The following SLC5A4 variants were observed in gnomAD, a reference collection of about 807,000 sequenced individuals.
The protein encoded by SLC5A4 is probable glucose sensor protein SLC5A4.
In SLC5A4, 55 loss-of-function variants were observed where a neutral mutation model predicts 70.3. The observed-to-expected ratio is 0.78, with a 90% CI of 0.63 to 0.98. The LOEUF is 0.98. SLC5A4 is among the 50% of genes least tolerant of loss of function. SLC5A4 has a pLI of 0.00. For synonymous variants in SLC5A4, 268 were observed against 305.7 expected, an observed-to-expected ratio of 0.88 and a Z score of 1.29; for missense variants, 735 against 839.2, an observed-to-expected ratio of 0.88 and a Z score of 1.53.
chr22:32,234,877 T>C lies in SLC5A4; in HGVS notation c.881A>G (p.Asn294Ser). Residue 294 changes from asparagine to serine, a missense_variant, in exon 8 of 15, where the codon AAT becomes AGT. Transcript: ENST00000266086. ...PITALWYWCT[N>S]QVIVQRCLCG... ...ACACATATACATATACTTCACCTGA[T>C]TTGTGCACCAGTACCACAAAGCTGT... 1 of 1,609,374 alleles carries C rather than the reference T, an allele frequency of 6.2e-7. No homozygotes were observed. Among genetic ancestry groups the C allele is most frequent in the Non-Finnish European group, 8.5e-7 (1 of 1,176,888 alleles).
chr22:32,340,074 G>A, the SLC5A4 span, among the ~76,000 whole-genome samples: 1 of 152,212 alleles, frequency 6.6e-6, no homozygotes, highest in African/African-American at 2.4e-5. Context: ...GTCGGCTTTG[G>A]AGTTCACCAG....
At chr22:32,300,241 C>T in the SLC5A4 span, among the ~76,000 whole-genome samples, 2 of 151,118 alleles carry the variant, frequency 1.3e-5, no homozygotes, top group African/African-American at 2.4e-5. Context: ...ATGGGGGGCG[C>T]CCCTCCCCAA....
the SLC5A4 span, among the ~76,000 whole-genome samples, chr22:32,336,130 G>C: frequency 6.6e-6 from 1 of 151,690 alleles, no homozygotes. Context: ...CTGGGAGCTG[G>C]GCCCATTAAG....
At chr22:32,335,840 A>C in the SLC5A4 span, among the ~76,000 whole-genome samples, 663 of 152,232 alleles carry the variant, frequency 4.4e-3, 7 homozygotes, top group African/African-American at 0.015. Flanking sequence ...CTTAGAAGCT[A>C]CAGGAAGTCC....
the SLC5A4 span, among the ~76,000 whole-genome samples, chr22:32,304,849 A>AG: frequency 9.0e-6 from 1 of 110,728 alleles, no homozygotes; most frequent in Admixed American, 9.8e-5. Flanking sequence ...GGAGTTCTAC[A>AG]GTTTTTTTTT....
chr22:32,307,449 G>C, the SLC5A4 span, among the ~76,000 whole-genome samples: 1 of 152,136 alleles, frequency 6.6e-6, no homozygotes, highest in African/African-American at 2.4e-5. Flanking sequence ...TTCACAGGTG[G>C]TCCCAGCTAT....
the SLC5A4 span, among the ~76,000 whole-genome samples, chr22:32,339,886 T>C: frequency 6.6e-6 from 1 of 152,200 alleles, no homozygotes; most frequent in Non-Finnish European, 1.5e-5. Context: ...GGGCCAGATC[T>C]CAGGTGCTTT....
At chr22:32,309,345 T>C in the SLC5A4 span, among the ~76,000 whole-genome samples, 1 of 152,324 alleles carries the variant, frequency 6.6e-6, no homozygotes, top group South Asian at 2.1e-4. Flanking sequence ...TGCAGATTCC[T>C]CTGTGGACAT....
chr22:32,242,190 TA>T (rs757715444), intron 5 of SLC5A4, among the ~76,000 whole-genome samples: 1 of 152,162 alleles, frequency 6.6e-6, no homozygotes, highest in African/African-American at 2.4e-5. Context: ...TAAGCACACT[TA>T]GCACGCAGAT....
the SLC5A4 span, among the ~76,000 whole-genome samples, chr22:32,334,908 A>G: frequency 6.6e-6 from 1 of 152,210 alleles, no homozygotes; most frequent in Non-Finnish European, 1.5e-5. Flanking sequence ...GGCATTTATG[A>G]TAAGGACTTG....
the SLC5A4 span, among the ~76,000 whole-genome samples, chr22:32,281,425 C>T: frequency 1.3e-5 from 2 of 152,224 alleles, no homozygotes; most frequent in Admixed American, 6.5e-5. Context: ...CATCAAAGCC[C>T]GGGCTTCACC....
chr22:32,253,044 A>G (rs979691769), intron 2 of SLC5A4, among the ~76,000 whole-genome samples: 1 of 152,252 alleles, frequency 6.6e-6, no homozygotes, highest in Admixed American at 6.5e-5. Flanking sequence ...TTCACTAAAC[A>G]GTCCTAAAAA....
intron 5 of SLC5A4, among the ~76,000 whole-genome samples, chr22:32,242,720 T>G (rs1278506305): frequency 6.6e-6 from 1 of 151,982 alleles, no homozygotes; most frequent in African/African-American, 2.4e-5. Flanking sequence ...AAAAAAAAAG[T>G]ATCAAAATAA....
chr22:32,269,395 T>C, the SLC5A4 span: 2 of 451,028 alleles, frequency 4.4e-6, no homozygotes, highest in Non-Finnish European at 8.5e-6. The surrounding 1 kb of genome is among the most constrained non-coding windows in gnomAD (Gnocchi z 4.1). Context: ...ACCTCATCGA[T>C]GTGCAGGCCC....
chr22:32,340,118 G>A, the SLC5A4 span, among the ~76,000 whole-genome samples: 9 of 144,674 alleles, frequency 6.2e-5, no homozygotes, highest in African/African-American at 2.4e-4. Flanking sequence ...GCTGCTGTGC[G>A]TTTCCCAGGA....
At chr22:32,247,730 AC>A (rs535382118) in intron 4 of SLC5A4, among the ~76,000 whole-genome samples, 6 of 151,834 alleles carry the variant, frequency 4.0e-5, no homozygotes, top group East Asian at 1.9e-4. Context: ...GAAGAGAAGG[AC>A]CCCCCCATGG....
chr22:32,232,493 C>T (rs956695361), intron 9 of SLC5A4, among the ~76,000 whole-genome samples: 2 of 152,096 alleles, frequency 1.3e-5, no homozygotes, highest in Non-Finnish European at 2.9e-5. Context: ...AAAATTGATT[C>T]AGTTCTCCAG....
the SLC5A4 span, among the ~76,000 whole-genome samples, chr22:32,273,676 T>C: frequency 1.5e-4 from 23 of 152,382 alleles, no homozygotes; most frequent in Non-Finnish European, 2.6e-4. Flanking sequence ...GAGTGAGTTA[T>C]TTAATCAGAA....
chr22:32,324,409 C>T, the SLC5A4 span, among the ~76,000 whole-genome samples: 1 of 152,084 alleles, frequency 6.6e-6, no homozygotes, highest in Non-Finnish European at 1.5e-5. Context: ...TTAGCTGGGC[C>T]TCAGGGCCTC....
Sources: gnomAD v4.1 joint callset for allele counts (sites outside exome capture counted in the v4.1 genomes callset) on GRCh38, gnomAD v4.1.1 for gene constraint, Gnocchi (gnomAD v3.1) non-coding constraint, MANE v1.5 for transcripts, NCBI Gene and HGNC (gene_info 2026-07-23, HGNC 2026-07-21) for gene names.